The following RALGAPA1 variants were observed in gnomAD, a reference collection of about 807,000 sequenced individuals.
RALGAPA1 encodes Ral GTPase activating protein catalytic subunit alpha 1, also known as ral GTPase-activating protein subunit alpha-1.
RALGAPA1 carries 52 observed loss-of-function variants against 269.6 expected under a neutral mutation model. The observed-to-expected ratio is 0.19, with a 90% CI of 0.15 to 0.24. The LOEUF (loss-of-function observed/expected upper bound fraction) is 0.24. Ranked by LOEUF, RALGAPA1 falls within the 10% of genes least tolerant of loss-of-function variation. The probability of loss-of-function intolerance (pLI) is 1.00; values close to 1 mark genes in which losing one functional copy is unlikely to be tolerated. For synonymous variants in RALGAPA1, 817 were observed against 1,008.3 expected (o/e 0.81, Z 3.60); for missense variants, 1,917 against 3,013.9 (o/e 0.64, Z 8.52).
chr14:35,604,455 A>T (rs2059467853), intron 36 of RALGAPA1, among the ~76,000 whole-genome samples: 1 of 152,010 alleles, frequency 6.6e-6, no homozygotes, highest in African/African-American at 2.4e-5. Context: ...TAATAAAAAA[A>T]TAGGTTAGAT....
chr14:35,702,931 G>A (rs1204388532), intron 16 of RALGAPA1, among the ~76,000 whole-genome samples: 2 of 151,496 alleles, frequency 1.3e-5, no homozygotes, highest in South Asian at 4.2e-4. Flanking sequence ...GTAGAGACAG[G>A]GTTTCACTGT....
chr14:35,739,749 TATC>T lies in RALGAPA1; in HGVS notation c.1450-1102_1450-1100del, dbSNP rs369174006. ...CTACCGCTGTCCTAGATCAGGTACTTATCATCTCACTTCCAAACTTTGCTAATC... is the reference window on the plus strand; with the variant it reads ...CTACCGCTGTCCTAGATCAGGTACTTATCTCACTTCCAAACTTTGCTAATC... On this transcript the variant is annotated intron_variant, in intron 11 of 41. Coordinates refer to ENST00000680220, the MANE Select transcript of RALGAPA1 (RefSeq NM_001346249.2). Among the ~76,000 whole-genome samples the T allele has an allele frequency of 2.2e-3, 337 of 152,274 alleles. 1 individual carries two copies. Among genetic ancestry groups the T allele is most frequent in the African/African-American group, 7.8e-3 (324 of 41,560 alleles).
intron 37 of RALGAPA1, among the ~76,000 whole-genome samples, chr14:35,593,378 A>C (rs1370829294): frequency 1.3e-5 from 2 of 152,172 alleles, no homozygotes; most frequent in Non-Finnish European, 2.9e-5. Flanking sequence ...TGAAATAATT[A>C]ATATTGTTAA....
At chr14:35,652,364 T>TTATATATATATATATATA (rs10645179) in intron 30 of RALGAPA1, among the ~76,000 whole-genome samples, 4 of 147,892 alleles carry the variant, frequency 2.7e-5, no homozygotes, top group Admixed American at 1.3e-4. Context: ...GGCCTTTTGT[T>TTATATATATATATATATA]TATATATATA....
At chr14:35,625,035 C>T (rs2060901992) in intron 35 of RALGAPA1, among the ~76,000 whole-genome samples, 2 of 147,350 alleles carry the variant, frequency 1.4e-5, no homozygotes, top group South Asian at 4.3e-4. Flanking sequence ...CTAAAAAATA[C>T]AAAAAAAAGT....
intron 36 of RALGAPA1, among the ~76,000 whole-genome samples, chr14:35,604,229 T>C (rs2059449755): frequency 6.6e-6 from 1 of 152,080 alleles, no homozygotes; most frequent in South Asian, 2.1e-4. Context: ...CCTAGTTCAT[T>C]ACACTCAATA....
chr14:35,757,717 CAAGA>C (rs2073314038), intron 6 of RALGAPA1, among the ~76,000 whole-genome samples: 1 of 152,224 alleles, frequency 6.6e-6, no homozygotes, highest in African/African-American at 2.4e-5. Context: ...AATGCAAATG[CAAGA>C]AAGTCAACCC....
intron 28 of RALGAPA1, among the ~76,000 whole-genome samples, chr14:35,656,513 T>A (rs1235172386): frequency 1.3e-5 from 2 of 152,198 alleles, no homozygotes; most frequent in Non-Finnish European, 2.9e-5. Context: ...TGAAGAGAGT[T>A]ATTTTATGAT....
At position 35,628,276 on chromosome 14, in the gene RALGAPA1, G is replaced by A. The variant is rs536123790; in HGVS notation, c.5996-325C>T. Among the ~76,000 whole-genome samples the A allele has an allele frequency of 7.2e-5, 11 of 152,224 alleles. No homozygotes were observed. In the East Asian group the frequency reaches 1.9e-3, roughly 27 times the overall value. The stretch of plus-strand genomic sequence containing the variant: ...ACATTAAAAAGCCAAAGACGGCCAG[G>A]TGCTGTAACACATCTGAAATCTCAG... On this transcript the variant is annotated intron_variant, in intron 33 of 41. Coordinates refer to ENST00000680220, the MANE Select transcript of RALGAPA1 (RefSeq NM_001346249.2).
intron 39 of RALGAPA1, among the ~76,000 whole-genome samples, chr14:35,552,686 C>T (rs1192125872): frequency 2.7e-5 from 4 of 148,102 alleles, no homozygotes; most frequent in African/African-American, 5.0e-5. Context: ...AGACTTTTAG[C>T]TAGTAGGAAT....
At chr14:35,731,337 C>G (rs2070459838) in intron 12 of RALGAPA1, among the ~76,000 whole-genome samples, 1 of 152,062 alleles carries the variant, frequency 6.6e-6, no homozygotes, top group African/African-American at 2.4e-5. Context: ...CTTTAACACC[C>G]CCAAGAATCA....
intron 31 of RALGAPA1, among the ~76,000 whole-genome samples, chr14:35,637,094 G>A (rs1463843398): frequency 6.6e-6 from 1 of 152,092 alleles, no homozygotes; most frequent in Non-Finnish European, 1.5e-5. Context: ...GTAATGCTTA[G>A]GGGGAGAAGA....
chr14:35,708,168 C>G (rs979579352), intron 16 of RALGAPA1, among the ~76,000 whole-genome samples: 3 of 152,052 alleles, frequency 2.0e-5, no homozygotes, highest in Non-Finnish European at 4.4e-5. Context: ...TGAAAGAAAA[C>G]TTTGGGGAAA....
At chr14:35,637,671 G>C (rs111331029) in intron 31 of RALGAPA1, among the ~76,000 whole-genome samples, 4 of 152,242 alleles carry the variant, frequency 2.6e-5, no homozygotes, top group African/African-American at 9.6e-5. Context: ...TAAAAACATA[G>C]AACTTCCCAA....
At chr14:35,601,683 G>T (rs561731392) in intron 36 of RALGAPA1, among the ~76,000 whole-genome samples, 1 of 152,220 alleles carries the variant, frequency 6.6e-6, no homozygotes, top group South Asian at 2.1e-4. Flanking sequence ...CAGAAAATGC[G>T]CCACTATGTC....
chr14:35,669,778 T>C (rs559541217), intron 26 of RALGAPA1, among the ~76,000 whole-genome samples: 51 of 152,340 alleles, frequency 3.3e-4, no homozygotes, highest in Admixed American at 1.2e-3. Context: ...AGACATTATG[T>C]TGCTTGAGCA....
chr14:35,600,743 T>C (rs1007071493), intron 36 of RALGAPA1, among the ~76,000 whole-genome samples: 8 of 152,236 alleles, frequency 5.3e-5, no homozygotes, highest in Non-Finnish European at 1.2e-4. Flanking sequence ...TTTGTTTCAA[T>C]TGTGTTACCA....
At chr14:35,742,703 T>C in intron 10 of RALGAPA1, 138 bp from the exon 11 acceptor site, 1 of 659,398 alleles carries the variant, frequency 1.5e-6, no homozygotes, top group Non-Finnish European at 2.7e-6. Flanking sequence ...AAAACAAAAC[T>C]CATTTTGCCA....
chr14:35,654,287 T>C, intron 30 of RALGAPA1, 80 bp downstream of exon 30: 2 of 1,379,490 alleles, frequency 1.4e-6, no homozygotes, highest in Non-Finnish European at 1.9e-6. Flanking sequence ...TTTAAAACTA[T>C]TAAATAATTT....
Sources: allele counts gnomAD v4.1 joint callset (sites outside exome capture counted in the v4.1 genomes callset), GRCh38; gene constraint gnomAD v4.1.1; transcripts MANE v1.5; gene names NCBI Gene and HGNC (gene_info 2026-07-23, HGNC 2026-07-21).